The following KCNU1 variants were observed in gnomAD, a reference collection of about 807,000 sequenced individuals.
KCNU1 encodes potassium channel subfamily U member 1.
KCNU1 carries 93 observed loss-of-function variants against 126.8 expected under a neutral mutation model. The ratio of observed to expected loss-of-function variants is 0.73; its 90% CI spans 0.62 to 0.87. KCNU1 has a LOEUF of 0.87. Ranked by LOEUF, KCNU1 falls within the 40% of genes least tolerant of loss-of-function variation. The pLI, the probability that KCNU1 is intolerant of heterozygous loss-of-function variation, is 0.00. For missense variants in KCNU1, 1,330 were observed against 1,367.1 expected, an observed-to-expected ratio of 0.97 and a Z score of 0.43; for synonymous variants, 523 against 494.2, an observed-to-expected ratio of 1.06 and a Z score of -0.77.
rs373930727 is a variant in KCNU1, at chr8:36,784,476, G to T, written c.66G>T (p.Glu22Asp). The T allele has an allele frequency of 6.2e-7, 1 of 1,613,800 alleles. No individual in the cohort carries two copies. The highest frequency in any genetic ancestry group is 8.5e-7 in the Non-Finnish European group (1 of 1,179,844). ...EDLPKMSCTT[E>D]IQAAFILSSF... ...TGCCAAAAATGTCCTGCACAACTGA[G>T]ATCCAAGCAGCATTCATTCTCTCTT... Residue 22 changes from glutamate (E) to aspartate (D), a missense_variant, in exon 1 of 27, where the codon GAG becomes GAT. This residue lies in a region of KCNU1 where 247 missense variants were observed against 255.4 expected (regional missense o/e 0.97). Coordinates refer to ENST00000399881, the MANE Select transcript of KCNU1 (RefSeq NM_001031836.3).
At position 36,930,889 on chromosome 8, in the gene KCNU1, C is replaced by A. The variant is rs530356460; in HGVS notation, c.2737-62C>A. Reference sequence around the variant, plus strand: ...TGCCCACTAAATCTCCAAGCCTTTACCCCTCCACAGTTCACATATTGGCTC... The same window carrying A: ...TGCCCACTAAATCTCCAAGCCTTTAACCCTCCACAGTTCACATATTGGCTC... On this transcript the variant is annotated intron_variant, in intron 24 of 26. Transcript: ENST00000399881. 1,424 of 1,204,958 alleles carry A rather than the reference C, an allele frequency of 1.2e-3. 21 individuals carry two copies. The African/African-American group carries it at 0.02, about 17-fold the overall frequency. The allele number at this position is 1,204,958 out of a possible 1,614,324, so 74.6% of individuals were successfully genotyped here. A position where few individuals can be genotyped will look rare whatever the true frequency, so the allele number is the denominator to read the frequency against.
chr8:36,837,899 C>T (rs1424147706), intron 14 of KCNU1, among the ~76,000 whole-genome samples: 3 of 144,176 alleles, frequency 2.1e-5, no homozygotes, highest in East Asian at 2.0e-4. Context: ...TCTCTTTGCT[C>T]GCTCTTTCCT....
chr8:36,788,456 G>T (rs1009183317), intron 2 of KCNU1, among the ~76,000 whole-genome samples: 2 of 152,176 alleles, frequency 1.3e-5, no homozygotes, highest in Non-Finnish European at 2.9e-5. Context: ...ATGAAAAGAT[G>T]AAATTTGTAA....
At position 36,909,422 on chromosome 8, in the gene KCNU1, G is replaced by A; in HGVS notation, c.2218G>A (p.Ala740Thr). The change falls in exon 21 of 27, where the codon GCC becomes ACC. Residue 740 changes from alanine (A) to threonine (T), a missense_variant. Transcript: ENST00000399881. ...GLRNFVMPLR[A>T]SNYTRKELKD... ...TCGGAACTTTGTAATGCCCTTGAGA[G>A]CCAGCAACTATACCAGGAAGGAGCT... 6.2e-7 allele frequency: 1 copy of A among 1,612,936 alleles called. No individual in the cohort carries two copies. Among genetic ancestry groups the A allele is most frequent in the Non-Finnish European group, 8.5e-7 (1 of 1,178,950 alleles).
intron 22 of KCNU1, among the ~76,000 whole-genome samples, chr8:36,911,773 G>A (rs912209980): frequency 1.3e-5 from 2 of 152,130 alleles, no homozygotes; most frequent in African/African-American, 4.8e-5. Context: ...TTCGGTTGAT[G>A]TTTAACAAAT....
chr8:36,873,565 T>C (rs573655422), intron 19 of KCNU1, among the ~76,000 whole-genome samples: 3 of 152,312 alleles, frequency 2.0e-5, no homozygotes, highest in East Asian at 3.9e-4. Context: ...GGGAAAATCT[T>C]TCTTGCTAAG....
chr8:36,789,509 A>C (rs1051448848), intron 2 of KCNU1, among the ~76,000 whole-genome samples: 1 of 152,094 alleles, frequency 6.6e-6, no homozygotes, highest in Non-Finnish European at 1.5e-5. Context: ...CTTTCAACAA[A>C]TATTTATTGT....
intron 2 of KCNU1, among the ~76,000 whole-genome samples, chr8:36,791,033 A>G (rs1802883660): frequency 6.6e-6 from 1 of 151,944 alleles, no homozygotes; most frequent in South Asian, 2.1e-4. Flanking sequence ...AAAGAGGAAA[A>G]GAGGAAGTAG....
chr8:36,904,854 T>C (rs1369701160), intron 19 of KCNU1, among the ~76,000 whole-genome samples: 1 of 152,070 alleles, frequency 6.6e-6, no homozygotes, highest in East Asian at 1.9e-4. Context: ...CTGAGTAACA[T>C]ATATAGTGTA....
At chr8:36,848,463 G>A (rs1020465873) in intron 18 of KCNU1, among the ~76,000 whole-genome samples, 6 of 152,232 alleles carry the variant, frequency 3.9e-5, no homozygotes, top group Admixed American at 3.9e-4. Context: ...TTTTATATGG[G>A]GTGAAAGAAA....
chr8:36,793,927 G>T (rs531690305), intron 2 of KCNU1, among the ~76,000 whole-genome samples: 1 of 151,700 alleles, frequency 6.6e-6, no homozygotes, highest in Non-Finnish European at 1.5e-5. Flanking sequence ...GGTGGTGCTC[G>T]CCTGTAATCC....
At position 36,864,144 on chromosome 8, in the gene KCNU1, G is replaced by A. The variant is rs561908609; in HGVS notation, c.1892-260G>A. Among the ~76,000 whole-genome samples the A allele has an allele frequency of 3.9e-5, 6 of 152,192 alleles. No homozygotes were observed. In the East Asian group the frequency reaches 1.2e-3, roughly 29 times the overall value. On this transcript the variant is annotated intron_variant, in intron 18 of 26. Transcript: ENST00000399881. ...CTTGGGTGAAATGGGAGGGGTGATG[G>A]ATTAGAAAGGTGCAGCAGCTATTGA...
intron 22 of KCNU1, among the ~76,000 whole-genome samples, chr8:36,916,670 A>G (rs950514952): frequency 6.6e-6 from 1 of 152,208 alleles, no homozygotes; most frequent in Non-Finnish European, 1.5e-5. Context: ...ATCTCTAGCC[A>G]TCTGTGTAAA....
intron 22 of KCNU1, among the ~76,000 whole-genome samples, chr8:36,913,007 T>C (rs557106097): frequency 5.6e-4 from 43 of 76,796 alleles, no homozygotes; most frequent in African/African-American, 2.1e-3. Flanking sequence ...CAAATGAAAA[T>C]GCATGCACAA....
chr8:36,908,231 T>A (rs569540712), intron 20 of KCNU1, among the ~76,000 whole-genome samples: 7 of 152,328 alleles, frequency 4.6e-5, no homozygotes, highest in Admixed American at 3.9e-4. Flanking sequence ...TTATTGTTTT[T>A]ATGAGTCTCT....
intron 23 of KCNU1, among the ~76,000 whole-genome samples, chr8:36,921,447 G>A (rs774250395): frequency 2.0e-5 from 3 of 152,102 alleles, no homozygotes; most frequent in Non-Finnish European, 4.4e-5. Context: ...GGGAGGCTGA[G>A]GCGGGTGGAT....
At chr8:36,935,363 T>C in intron 26 of KCNU1, 152 bp from the exon 27 acceptor site, 2 of 626,774 alleles carry the variant, frequency 3.2e-6, no homozygotes, top group East Asian at 5.2e-5. Flanking sequence ...ACTAAATAGC[T>C]ATTTACTATT....
intron 20 of KCNU1, 61 bp from the exon 21 acceptor site, chr8:36,909,250 A>T: frequency 2.0e-6 from 2 of 1,017,606 alleles, no homozygotes; most frequent in Non-Finnish European, 3.1e-6. Flanking sequence ...GAGGGGGCCT[A>T]CTTGGAGGGA....
intron 1 of KCNU1, among the ~76,000 whole-genome samples, chr8:36,786,559 T>G (rs1329146927): frequency 1.3e-5 from 2 of 152,184 alleles, no homozygotes; most frequent in African/African-American, 4.8e-5. Context: ...TCTAGCTTGG[T>G]GTGGGTAGTC....
Sources: allele counts gnomAD v4.1 joint callset (sites outside exome capture counted in the v4.1 genomes callset), GRCh38; gene constraint gnomAD v4.1.1; regional missense constraint gnomAD v4.1.1; transcripts MANE v1.5; gene names NCBI Gene and HGNC (gene_info 2026-07-23, HGNC 2026-07-21).